GTF3C1: variants seen among roughly 807,000 people sequenced by gnomAD.
GTF3C1 encodes general transcription factor 3C polypeptide 1.
GTF3C1 carries 57 observed loss-of-function variants against 226.7 expected under a neutral mutation model. The ratio of observed to expected loss-of-function variants is 0.25; its 90% CI spans 0.20 to 0.31. The LOEUF (loss-of-function observed/expected upper bound fraction) is 0.31, where lower values mean the gene tolerates loss of function less well. Ranked by LOEUF, GTF3C1 falls within the 10% of genes least tolerant of loss-of-function variation. The pLI, the probability that GTF3C1 is intolerant of heterozygous loss-of-function variation, is 1.00. For missense variants in GTF3C1, 2,217 were observed against 2,776.1 expected, an observed-to-expected ratio of 0.80 and a Z score of 4.53; for synonymous variants, 1,090 against 1,084.8, an observed-to-expected ratio of 1.00 and a Z score of -0.09.
rs1367746254 is a variant in GTF3C1 at position 27,461,902 on chromosome 16, T to A, written c.6118-340A>T. ...GGGGTTTTGTTTGGCTCATGGGGAATTTGACACTCAACTTCAAGCTCCTAG... is the reference window on the plus strand; with the variant it reads ...GGGGTTTTGTTTGGCTCATGGGGAAATTGACACTCAACTTCAAGCTCCTAG... On this transcript the variant is annotated intron_variant, in intron 36 of 36. Coordinates refer to ENST00000356183, the MANE Select transcript of GTF3C1 (RefSeq NM_001520.4). This position sits in a 1 kb window ranked among gnomAD's most constrained non-coding sequence, Gnocchi z 5.3. 2.6e-6 allele frequency: 1 copy of A among 389,602 alleles called. No individual in the cohort carries two copies. The highest frequency in any genetic ancestry group is 4.7e-6 in the Non-Finnish European group (1 of 212,754). 24.1% of individuals were successfully genotyped at this position (389,602 alleles called of 1,614,324 possible).
At chr16:27,526,159 A>G (rs1205305856) in intron 6 of GTF3C1, among the ~76,000 whole-genome samples, 2 of 152,206 alleles carry the variant, frequency 1.3e-5, no homozygotes, top group Non-Finnish European at 2.9e-5. Context: ...TTCTTCAGAA[A>G]AAGAAGTCTC....
chr16:27,540,899 G>A (rs1673038416), intron 2 of GTF3C1, among the ~76,000 whole-genome samples: 1 of 151,956 alleles, frequency 6.6e-6, no homozygotes, highest in East Asian at 1.9e-4. Context: ...GGAGTACAGT[G>A]ACGCGATCTC....
chr16:27,531,832 T>G (rs2088922361), intron 5 of GTF3C1, among the ~76,000 whole-genome samples: 2 of 152,220 alleles, frequency 1.3e-5, no homozygotes, highest in Admixed American at 1.3e-4. Flanking sequence ...ATTTGTTTAT[T>G]AAGCCGGTAG....
chr16:27,472,099 A>AG (rs934724029), intron 29 of GTF3C1, among the ~76,000 whole-genome samples, 179 bp from the exon 30 acceptor site: 1 of 151,978 alleles, frequency 6.6e-6, no homozygotes, highest in African/African-American at 2.4e-5. Context: ...TATCAGGGGG[A>AG]GGGGTGCTGA....
intron 26 of GTF3C1, among the ~76,000 whole-genome samples, chr16:27,482,835 A>G (rs907188202): frequency 1.3e-5 from 2 of 152,244 alleles, no homozygotes; most frequent in Non-Finnish European, 2.9e-5. Flanking sequence ...GGCCTGTCAG[A>G]TTCTAATCAT....
intron 4 of GTF3C1, among the ~76,000 whole-genome samples, chr16:27,536,788 C>G (rs2089008089): frequency 6.6e-6 from 1 of 152,210 alleles, no homozygotes; most frequent in Non-Finnish European, 1.5e-5. Context: ...CTAAGGGCTG[C>G]TCTTCCCAGG....
At chr16:27,488,792 C>T (rs973720480) in intron 21 of GTF3C1, among the ~76,000 whole-genome samples, 157 bp from the exon 22 acceptor site, 2 of 152,240 alleles carry the variant, frequency 1.3e-5, no homozygotes, top group Admixed American at 6.5e-5. Flanking sequence ...TACCATTGCT[C>T]ATGCACTCCC....
intron 10 of GTF3C1, among the ~76,000 whole-genome samples, chr16:27,504,732 A>G (rs936658075): frequency 2.0e-5 from 3 of 151,890 alleles, no homozygotes; most frequent in East Asian, 1.9e-4. Flanking sequence ...CCTGGGCAAC[A>G]TGATGAAACC....
At chr16:27,495,018 G>C in intron 15 of GTF3C1, 110 bp from the exon 16 acceptor site, 1 of 989,074 alleles carries the variant, frequency 1.0e-6, no homozygotes, top group African/African-American at 1.6e-5. Context: ...CCTAATTTGA[G>C]GAAAACTCTA....
chr16:27,541,816 C>T (rs549861339), intron 2 of GTF3C1, among the ~76,000 whole-genome samples: 4 of 152,000 alleles, frequency 2.6e-5, no homozygotes, highest in Admixed American at 1.3e-4. Context: ...TATAGCCTGC[C>T]GGGACCCAAT....
In GTF3C1 at chr16:27,537,930, G is replaced by A. The variant is rs757810850; in HGVS notation, c.609-3C>T. 5.6e-6 allele frequency: 9 copies of A among 1,613,172 alleles called. No individual in the cohort carries two copies. The highest frequency in any genetic ancestry group is 7.6e-6 in the Non-Finnish European group (9 of 1,179,634). ...AGTGCAGCTTCCCAGCATCAACCCT[G>A]GAGGAAAAGAGGAGCCATGTCATTT... is the stretch of plus-strand genomic sequence containing the variant. On this transcript the variant is annotated splice_polypyrimidine_tract_variant and splice_region_variant and intron_variant, in intron 3 of 36. Coordinates refer to ENST00000356183, the MANE Select transcript of GTF3C1 (RefSeq NM_001520.4).
At chr16:27,541,699 C>T (rs189163694) in intron 2 of GTF3C1, among the ~76,000 whole-genome samples, 203 of 152,258 alleles carry the variant, frequency 1.3e-3, no homozygotes, top group African/African-American at 4.4e-3. Context: ...AGGAACAGCA[C>T]GAGGATTGCC....
intron 6 of GTF3C1, among the ~76,000 whole-genome samples, chr16:27,524,665 T>A (rs2088802258): frequency 6.6e-6 from 1 of 152,252 alleles, no homozygotes; most frequent in African/African-American, 2.4e-5. Flanking sequence ...GGGAGAAGCC[T>A]TTCTCTACAG....
At chr16:27,502,723 G>C in intron 11 of GTF3C1, 136 bp downstream of exon 11, 2 of 889,214 alleles carry the variant, frequency 2.2e-6, no homozygotes, top group East Asian at 2.7e-5. Flanking sequence ...CTACCGCAAA[G>C]GAACGAGATG....
chr16:27,485,578 G>A (rs1291410279), intron 24 of GTF3C1, among the ~76,000 whole-genome samples: 1 of 152,248 alleles, frequency 6.6e-6, no homozygotes, highest in Admixed American at 6.5e-5. Flanking sequence ...TACTGGTGAG[G>A]AGAGAGAAAG....
At chr16:27,499,437 A>G (rs2088371897) in intron 12 of GTF3C1, among the ~76,000 whole-genome samples, 1 of 152,174 alleles carries the variant, frequency 6.6e-6, no homozygotes. Context: ...CCAGGCCCCC[A>G]GGGAGCCAGG....
rs772055911 is a variant in GTF3C1 at position 27,481,199 on chromosome 16, C to T, written c.4084-8G>A. 1 of 1,606,572 alleles carries T rather than the reference C, an allele frequency of 6.2e-7. No homozygotes were observed. The highest frequency in any genetic ancestry group is 1.7e-5 in the Admixed American group (1 of 60,024). On this transcript the variant is annotated splice_polypyrimidine_tract_variant and splice_region_variant and intron_variant, in intron 26 of 36. Transcript: ENST00000356183. ...AAACTCGTTGGCACAAACCTTTCAA[C>T]ATGAGAGCATGAGAGGTTAAGCCCT...
At chr16:27,478,334 G>A (rs889502108) in intron 28 of GTF3C1, 135 bp downstream of exon 28, 5 of 681,438 alleles carry the variant, frequency 7.3e-6, no homozygotes, top group South Asian at 6.6e-5. Flanking sequence ...GGGCATGGCT[G>A]TATGCCAGTA....
chr16:27,510,781 G>A (rs1327526619), intron 7 of GTF3C1, among the ~76,000 whole-genome samples: 1 of 152,198 alleles, frequency 6.6e-6, no homozygotes, highest in Non-Finnish European at 1.5e-5. Context: ...GTCCCACACA[G>A]AAGTTAGGGG....
Sources: allele counts gnomAD v4.1 joint callset (sites outside exome capture counted in the v4.1 genomes callset), GRCh38; gene constraint gnomAD v4.1.1; non-coding constraint Gnocchi (gnomAD v3.1); transcripts MANE v1.5; gene names NCBI Gene and HGNC (gene_info 2026-07-23, HGNC 2026-07-21).